RPS6KA5: variants seen among roughly 807,000 people sequenced by gnomAD.
RPS6KA5 encodes the protein ribosomal protein S6 kinase A5.
In RPS6KA5, 27 loss-of-function variants were observed where a neutral mutation model predicts 85.5. The ratio of observed to expected loss-of-function variants is 0.32; its 90% CI spans 0.23 to 0.44. The LOEUF (loss-of-function observed/expected upper bound fraction) is 0.44. Ranked by LOEUF, RPS6KA5 falls within the 20% of genes least tolerant of loss-of-function variation. The pLI, the probability that RPS6KA5 is intolerant of heterozygous loss-of-function variation, is 1.00. For missense variants in RPS6KA5, 811 were observed against 980.9 expected (o/e 0.83, Z 2.31); for synonymous variants, 334 against 348.2 (o/e 0.96, Z 0.46).
chr14:90,937,244 T>C (rs749550062), intron 5 of RPS6KA5, among the ~76,000 whole-genome samples: 2 of 151,954 alleles, frequency 1.3e-5, no homozygotes, highest in African/African-American at 2.4e-5. Flanking sequence ...AATGGTAACA[T>C]TGGCAAGAAC....
intron 1 of RPS6KA5, among the ~76,000 whole-genome samples, chr14:91,028,994 T>G (rs2042085612): frequency 6.6e-6 from 1 of 152,194 alleles, no homozygotes; most frequent in Admixed American, 6.5e-5. Context: ...TCTATTTAAT[T>G]TTTTATTTAT....
chr14:90,937,328 G>C (rs930758031), intron 5 of RPS6KA5, among the ~76,000 whole-genome samples: 3 of 152,112 alleles, frequency 2.0e-5, no homozygotes, highest in Non-Finnish European at 4.4e-5. Context: ...GGGAGTAAGG[G>C]ACATGTGAGT....
Position 90,955,434 on chromosome 14 carries a change from G to A in RPS6KA5, c.395-7884C>T, listed in dbSNP as rs2038447875. Among the ~76,000 whole-genome samples the A allele has an allele frequency of 2.0e-5, 3 of 151,964 alleles. No individual in the cohort carries two copies. In the South Asian group the frequency reaches 6.2e-4, roughly 32 times the overall value. On this transcript the variant is annotated intron_variant, in intron 3 of 16. Transcript: ENST00000614987. The stretch of plus-strand genomic sequence containing the variant: ...CATGCCTGGCTAAAATTATTTTTTT[G>A]TGGAGACGGGGTCTCACACTTTGTT...
intron 14 of RPS6KA5, among the ~76,000 whole-genome samples, chr14:90,881,710 A>C (rs572251341): frequency 1.1e-4 from 17 of 151,978 alleles, no homozygotes; most frequent in Non-Finnish European, 2.5e-4. Context: ...CATGTTGGCC[A>C]GGCTGGTCTC....
chr14:90,935,016 T>C (rs1246812475), intron 5 of RPS6KA5, among the ~76,000 whole-genome samples: 1 of 152,190 alleles, frequency 6.6e-6, no homozygotes, highest in African/African-American at 2.4e-5. Context: ...GGCAAATGAC[T>C]GATAGAGCTT....
intron 3 of RPS6KA5, among the ~76,000 whole-genome samples, chr14:90,957,632 A>T (rs2038592103): frequency 6.6e-6 from 1 of 152,142 alleles, no homozygotes; most frequent in Admixed American, 6.5e-5. Flanking sequence ...TGGAGCATAA[A>T]TTACTCCATG....
At chr14:90,885,767 A>AAAAAAAAAG (rs1566690698) in intron 14 of RPS6KA5, among the ~76,000 whole-genome samples, 5 of 140,006 alleles carry the variant, frequency 3.6e-5, no homozygotes, top group African/African-American at 1.4e-4. Context: ...AAAAAAAAAA[A>AAAAAAAAAG]AAAAAAGAAA....
rs144832163 is a variant in RPS6KA5 at position 90,872,218 on chromosome 14, C to T, written c.2265G>A (p.Thr755=). 114 of 1,613,870 alleles carry T rather than the reference C, an allele frequency of 7.1e-5. No individual in the cohort carries two copies. Among genetic ancestry groups the T allele is most frequent in the Middle Eastern group, 1.6e-4 (1 of 6,062 alleles). The change falls in exon 17 of 17, where the codon ACG becomes ACA. Residue 755 remains threonine, a synonymous_variant. Coordinates refer to ENST00000614987, the MANE Select transcript of RPS6KA5 (RefSeq NM_004755.4). ...GGGAACTCTCACTGGAACTGCTGCGCGTCTCGGTACTGGTGCTAGTCTTTT... is the reference window on the plus strand; with the variant it reads ...GGGAACTCTCACTGGAACTGCTGCGTGTCTCGGTACTGGTGCTAGTCTTTT... ...KMKKTSTSTE[T]RSSSSESSHS...
intron 1 of RPS6KA5, among the ~76,000 whole-genome samples, chr14:91,045,391 G>GT (rs2139916618): frequency 6.6e-6 from 1 of 151,828 alleles, no homozygotes; most frequent in African/African-American, 2.4e-5. Flanking sequence ...AGCCTCCTGA[G>GT]TAACTGGGAT....
intron 1 of RPS6KA5, among the ~76,000 whole-genome samples, chr14:91,016,765 T>C (rs1409106219): frequency 1.3e-5 from 2 of 150,372 alleles, no homozygotes; most frequent in Non-Finnish European, 2.9e-5. Context: ...CTATCACCAA[T>C]AGTTTGGTTG....
intron 8 of RPS6KA5, among the ~76,000 whole-genome samples, chr14:90,905,206 T>C (rs2035434707): frequency 6.6e-6 from 1 of 152,014 alleles, no homozygotes; most frequent in Non-Finnish European, 1.5e-5. Flanking sequence ...TCATTTCTAA[T>C]CAATATTTAT....
At chr14:90,911,442 C>A (rs988249667) in intron 7 of RPS6KA5, 2 of 152,196 alleles carry the variant, frequency 1.3e-5, no homozygotes, top group Non-Finnish European at 2.9e-5. Flanking sequence ...AGTTCACAAT[C>A]TTTTCCATTT....
intron 1 of RPS6KA5, among the ~76,000 whole-genome samples, chr14:91,027,347 C>A (rs1352016420): frequency 2.0e-5 from 3 of 152,150 alleles, no homozygotes; most frequent in Non-Finnish European, 4.4e-5. Flanking sequence ...ATCCCAGCAC[C>A]ATTTCTTGAA....
At chr14:91,006,554 C>G (rs565611520) in intron 1 of RPS6KA5, among the ~76,000 whole-genome samples, 4 of 152,296 alleles carry the variant, frequency 2.6e-5, no homozygotes, top group Admixed American at 6.5e-5. Flanking sequence ...AGACTGCCAT[C>G]TGCAAACCAG....
At chr14:90,976,065 G>A (rs1013485689) in intron 3 of RPS6KA5, among the ~76,000 whole-genome samples, 1 of 152,104 alleles carries the variant, frequency 6.6e-6, no homozygotes, top group African/African-American at 2.4e-5. Context: ...AAAGCAACAT[G>A]ATTAAGGACT....
intron 1 of RPS6KA5, chr14:91,052,459 G>T: frequency 1.5e-5 from 2 of 131,858 alleles, no homozygotes; most frequent in Non-Finnish European, 2.8e-5. Flanking sequence ...GAGTAGACTC[G>T]TCTCTTAAAA....
chr14:91,002,556 C>G (rs924793997), intron 1 of RPS6KA5, among the ~76,000 whole-genome samples: 1 of 152,054 alleles, frequency 6.6e-6, no homozygotes, highest in African/African-American at 2.4e-5. Flanking sequence ...GAAAATAAAA[C>G]TCAACTAACA....
At chr14:90,876,416 T>C (rs1196993286) in intron 14 of RPS6KA5, among the ~76,000 whole-genome samples, 1 of 152,252 alleles carries the variant, frequency 6.6e-6, no homozygotes, top group Non-Finnish European at 1.5e-5. Context: ...ATACAGTGAA[T>C]TATCTACAGC....
chr14:91,038,428 G>A (rs1185845283), intron 1 of RPS6KA5, among the ~76,000 whole-genome samples: 1 of 152,192 alleles, frequency 6.6e-6, no homozygotes, highest in Non-Finnish European at 1.5e-5. Context: ...AAAAAAGTAA[G>A]AATAGACTGG....
Sources: gnomAD v4.1 joint callset for allele counts (sites outside exome capture counted in the v4.1 genomes callset) on GRCh38, gnomAD v4.1.1 for gene constraint, MANE v1.5 for transcripts, NCBI Gene and HGNC (gene_info 2026-07-23, HGNC 2026-07-21) for gene names.